Variants in PMS1 observed in about 807,000 individuals in gnomAD.
The protein encoded by PMS1 is PMS1 protein homolog 1.
PMS1 carries 79 observed loss-of-function variants against 93.1 expected under a neutral mutation model. That is an observed-to-expected ratio of 0.85 (90% CI 0.71 to 1.02). The LOEUF (loss-of-function observed/expected upper bound fraction) is 1.02. Ranked by LOEUF, PMS1 falls within the 50% of genes least tolerant of loss-of-function variation. PMS1 has a pLI of 0.00. For synonymous variants in PMS1, 335 were observed against 363.4 expected, an observed-to-expected ratio of 0.92 and a Z score of 0.89; for missense variants, 1,064 against 1,085.3, an observed-to-expected ratio of 0.98 and a Z score of 0.28.
Position 189,818,081 on chromosome 2 carries a change from T to A in PMS1, c.483T>A (p.Thr161=), listed in dbSNP as rs1210842778. 2.5e-6 allele frequency: 4 copies of A among 1,605,524 alleles called. No homozygotes were observed. The South Asian group carries it at 4.4e-5, about 18-fold the overall frequency. The change falls in exon 5 of 13, where the codon ACT becomes ACA. Residue 161 remains threonine (T), a synonymous_variant. Coordinates refer to ENST00000441310, the MANE Select transcript of PMS1 (RefSeq NM_000534.5). ...NLPVRKQFYS[T]AKKCKDEIKK... ...CTGTAAGAAAGCAGTTTTACTCAACTGCAAAAAAATGTAAAGATGAAATAA... is the reference window on the plus strand; with the variant it reads ...CTGTAAGAAAGCAGTTTTACTCAACAGCAAAAAAATGTAAAGATGAAATAA...
chr2:189,848,341 C>T (rs954630652), intron 6 of PMS1, among the ~76,000 whole-genome samples: 2 of 152,152 alleles, frequency 1.3e-5, no homozygotes, highest in South Asian at 2.1e-4. Flanking sequence ...CATCCCAGAT[C>T]GACTGAATCA....
At chr2:189,811,540 A>G (rs1330913870) in intron 4 of PMS1, among the ~76,000 whole-genome samples, 1 of 152,176 alleles carries the variant, frequency 6.6e-6, no homozygotes, top group Non-Finnish European at 1.5e-5. Context: ...GGTTGCAGGG[A>G]GCCAAGATTG....
At chr2:189,846,389 G>C (rs1276239581) in intron 6 of PMS1, among the ~76,000 whole-genome samples, 1 of 152,024 alleles carries the variant, frequency 6.6e-6, no homozygotes, top group Non-Finnish European at 1.5e-5. Context: ...GCAGGTGCCT[G>C]TAATCCCAGC....
intron 6 of PMS1, among the ~76,000 whole-genome samples, chr2:189,851,175 T>C (rs900136893): frequency 1.3e-5 from 2 of 152,194 alleles, no homozygotes; most frequent in Admixed American, 1.3e-4. Flanking sequence ...GTTCTTAAGA[T>C]TATCCTAAAC....
At chr2:189,854,186 C>T (rs545978232) in intron 8 of PMS1, 53 bp from the exon 9 acceptor site, 3 of 1,428,286 alleles carry the variant, frequency 2.1e-6, no homozygotes, top group Non-Finnish European at 2.9e-6. Flanking sequence ...TATTTAAAAT[C>T]TTGTCTATTA....
intron 5 of PMS1, among the ~76,000 whole-genome samples, chr2:189,827,106 C>A (rs2052504752): frequency 6.6e-6 from 1 of 152,072 alleles, no homozygotes; most frequent in African/African-American, 2.4e-5. Context: ...ATGGATGGGG[C>A]AGTTGAGGGG....
chr2:189,840,549 TG>T (rs1344029072), intron 5 of PMS1, among the ~76,000 whole-genome samples: 1 of 152,190 alleles, frequency 6.6e-6, no homozygotes, highest in Non-Finnish European at 1.5e-5. Flanking sequence ...CAGGTCACTT[TG>T]AAAGCAATAA....
At chr2:189,877,143 TAATA>T (rs1259004971) in intron 12 of PMS1, 125 bp from the exon 13 acceptor site, 2 of 772,298 alleles carry the variant, frequency 2.6e-6, no homozygotes, top group East Asian at 2.7e-5. Flanking sequence ...AGTTGATACT[TAATA>T]AATATTTGTT....
chr2:189,832,100 T>A (rs2052999342), intron 5 of PMS1, among the ~76,000 whole-genome samples: 1 of 152,112 alleles, frequency 6.6e-6, no homozygotes, highest in Admixed American at 6.5e-5. Flanking sequence ...AAATAGGTTG[T>A]ATGGGAAGGG....
intron 12 of PMS1, 79 bp downstream of exon 12, chr2:189,873,735 A>T: frequency 9.7e-7 from 1 of 1,030,500 alleles, no homozygotes; most frequent in Non-Finnish European, 1.5e-6. Context: ...ACCAGGCCAC[A>T]CAGCAGGAGG....
At position 189,854,892 on chromosome 2, in the gene PMS1, T is replaced by C; in HGVS notation, c.1620T>C (p.Asn540=). The C allele has an allele frequency of 6.2e-7, 1 of 1,605,848 alleles. No homozygotes were observed. Among genetic ancestry groups the C allele is most frequent in the Non-Finnish European group, 8.5e-7 (1 of 1,173,464 alleles). ...NNNYPIPEQM[N]LNEDSCNKKS... is the part of the protein sequence containing the mutation. Reference sequence around the variant, plus strand: ...ATTATCCAATCCCTGAACAAATGAATCTTAATGAAGATTCATGTAACAAAA... The same window carrying C: ...ATTATCCAATCCCTGAACAAATGAACCTTAATGAAGATTCATGTAACAAAA... The change falls in exon 9 of 13, where the codon AAT becomes AAC. Residue 540 remains asparagine (N), a synonymous_variant. Coordinates refer to ENST00000441310, the MANE Select transcript of PMS1 (RefSeq NM_000534.5).
At chr2:189,832,250 G>A (rs1213440992) in intron 5 of PMS1, among the ~76,000 whole-genome samples, 1 of 152,054 alleles carries the variant, frequency 6.6e-6, no homozygotes, top group East Asian at 1.9e-4. Flanking sequence ...GAGATGATTG[G>A]GATGGCTTCA....
rs2051476658 is a variant in PMS1, at chr2:189,818,012, A to G, written c.419-5A>G. On this transcript the variant is annotated splice_polypyrimidine_tract_variant and splice_region_variant and intron_variant, in intron 4 of 12. Coordinates refer to ENST00000441310, the MANE Select transcript of PMS1 (RefSeq NM_000534.5). ...TAAATGTGCTTTTCTCTTGTCTGCCAACAGGTACAACTGTAACTGCTTTAA... is the reference window on the plus strand; with the variant it reads ...TAAATGTGCTTTTCTCTTGTCTGCCGACAGGTACAACTGTAACTGCTTTAA... The G allele has an allele frequency of 1.9e-6, 3 of 1,605,290 alleles. No individual in the cohort carries two copies. Among genetic ancestry groups the G allele is most frequent in the African/African-American group, 2.7e-5 (2 of 74,754 alleles).
intron 2 of PMS1, among the ~76,000 whole-genome samples, chr2:189,793,297 CTG>C (rs1420779887): frequency 6.6e-6 from 1 of 152,172 alleles, no homozygotes; most frequent in Non-Finnish European, 1.5e-5. Flanking sequence ...TTTGTTAAAA[CTG>C]TTACTGGGTC....
chr2:189,790,366 C>T (rs1361432001), intron 1 of PMS1, among the ~76,000 whole-genome samples: 1 of 152,146 alleles, frequency 6.6e-6, no homozygotes, highest in African/African-American at 2.4e-5. Flanking sequence ...CATTATAGCA[C>T]AATTGTTCTT....
intron 11 of PMS1, among the ~76,000 whole-genome samples, chr2:189,872,230 C>G (rs189406158): frequency 2.6e-5 from 4 of 152,196 alleles, no homozygotes; most frequent in South Asian, 4.1e-4. Flanking sequence ...CAGTTGTTCT[C>G]TGGGAAAAAT....
chr2:189,864,531 C>T (rs2056379863), intron 10 of PMS1, among the ~76,000 whole-genome samples: 1 of 147,776 alleles, frequency 6.8e-6, no homozygotes, highest in Non-Finnish European at 1.5e-5. Context: ...TGGCACGCAC[C>T]TGTAGTCCCA....
intron 1 of PMS1, among the ~76,000 whole-genome samples, chr2:189,790,401 C>T (rs2048752011): frequency 1.3e-5 from 2 of 152,164 alleles, no homozygotes; most frequent in Admixed American, 1.3e-4. Context: ...ATTACCATAG[C>T]ATTTGTTTTT....
At chr2:189,862,777 C>T (rs1163631119) in intron 9 of PMS1, among the ~76,000 whole-genome samples, 1 of 152,182 alleles carries the variant, frequency 6.6e-6, no homozygotes, top group Non-Finnish European at 1.5e-5. Flanking sequence ...TGGCCCTCTT[C>T]CAGTTTTAAC....
Sources: allele counts gnomAD v4.1 joint callset (sites outside exome capture counted in the v4.1 genomes callset), GRCh38; gene constraint gnomAD v4.1.1; transcripts MANE v1.5; gene names NCBI Gene and HGNC (gene_info 2026-07-23, HGNC 2026-07-21).